The following UBE2R2 variants were observed in gnomAD, a reference collection of about 807,000 sequenced individuals.
UBE2R2 encodes the protein ubiquitin conjugating enzyme E2 R2, also known as ubiquitin-conjugating enzyme E2 R2.
In UBE2R2, 1 loss-of-function variant was observed where a neutral mutation model predicts 27.8. The ratio of observed to expected loss-of-function variants is 0.04; its 90% CI spans 0.01 to 0.17. The LOEUF is 0.17. Among genes scored for constraint, UBE2R2 ranks in the 10% least tolerant of loss-of-function variants. The pLI, the probability that UBE2R2 is intolerant of heterozygous loss-of-function variation, is 1.00. For missense variants in UBE2R2, 100 were observed against 291.0 expected, an observed-to-expected ratio of 0.34 and a Z score of 4.78; for synonymous variants, 106 against 113.3, an observed-to-expected ratio of 0.94 and a Z score of 0.41.
intron 4 of UBE2R2, among the ~76,000 whole-genome samples, chr9:33,914,979 A>T (rs973516754): frequency 6.6e-6 from 1 of 151,990 alleles, no homozygotes; most frequent in African/African-American, 2.4e-5. Context: ...TCTACAAAAA[A>T]ATTAGCCAGG....
At chr9:33,835,107 C>T (rs1587432253) in intron 1 of UBE2R2, among the ~76,000 whole-genome samples, 1 of 146,800 alleles carries the variant, frequency 6.8e-6, no homozygotes. Flanking sequence ...TATGTTTTAG[C>T]TATCTTTTCA....
At chr9:33,871,590 G>C (rs1023156941) in intron 1 of UBE2R2, among the ~76,000 whole-genome samples, 1 of 152,136 alleles carries the variant, frequency 6.6e-6, no homozygotes, top group African/African-American at 2.4e-5. Flanking sequence ...GGAAGTACTT[G>C]TTCTTATGAG....
intron 1 of UBE2R2, among the ~76,000 whole-genome samples, chr9:33,845,877 T>C (rs1372620438): frequency 2.0e-5 from 3 of 151,832 alleles, no homozygotes; most frequent in Non-Finnish European, 4.4e-5. Context: ...GCGCGGTGGC[T>C]CACGCCTGTA....
chr9:33,915,275 G>C (rs1822615262), intron 4 of UBE2R2, among the ~76,000 whole-genome samples: 3 of 152,132 alleles, frequency 2.0e-5, no homozygotes, highest in Admixed American at 2.0e-4. Flanking sequence ...ATTTTAAGAA[G>C]CAATGCTCAT....
At chr9:33,889,360 T>C (rs1412051654) in intron 2 of UBE2R2, among the ~76,000 whole-genome samples, 1 of 152,212 alleles carries the variant, frequency 6.6e-6, no homozygotes, top group Admixed American at 6.5e-5. Flanking sequence ...CAGTTCTCTC[T>C]TGCCTCTTTC....
chr9:33,884,225 T>TCTCTCTCTCTCTCTCTCTCTCTCG (rs753452133), intron 1 of UBE2R2, among the ~76,000 whole-genome samples: 1 of 145,726 alleles, frequency 6.9e-6, no homozygotes, highest in Non-Finnish European at 1.5e-5. Flanking sequence ...TCTCTCTCTC[T>TCTCTCTCTCTCTCTCTCTCTCTCG]CTCTCTCTCT....
chr9:33,831,093 AAAAAG>A (rs1289841220), intron 1 of UBE2R2: 74 of 150,852 alleles, frequency 4.9e-4, no homozygotes, highest in Non-Finnish European at 9.7e-4. Context: ...AAAAAAAAAA[AAAAAG>A]AATAGGTAAA....
intron 4 of UBE2R2, 139 bp from the exon 5 acceptor site, chr9:33,916,879 G>A (rs1339690445): frequency 1.1e-5 from 14 of 1,332,204 alleles, no homozygotes; most frequent in Non-Finnish European, 1.4e-5. Context: ...GTAGTACAGG[G>A]TATCTGTCAG....
At chr9:33,849,692 A>G in intron 1 of UBE2R2, among the ~76,000 whole-genome samples, 1 of 22,398 alleles carries the variant, frequency 4.5e-5, no homozygotes, top group African/African-American at 8.2e-5. Context: ...TCTCTACTTA[A>G]AAAAAAAAAA....
At chr9:33,854,820 G>A (rs929741009) in intron 1 of UBE2R2, among the ~76,000 whole-genome samples, 4 of 151,654 alleles carry the variant, frequency 2.6e-5, no homozygotes, top group African/African-American at 9.7e-5. Flanking sequence ...CCAGGCTCAG[G>A]TGATCCTCCC....
intron 3 of UBE2R2, among the ~76,000 whole-genome samples, chr9:33,905,762 C>T (rs1347591616): frequency 2.6e-5 from 4 of 152,176 alleles, no homozygotes; most frequent in East Asian, 3.8e-4. Flanking sequence ...CACATTGAAA[C>T]ATGCAATGAG....
Position 33,917,701 on chromosome 9 carries a change from T to TA in UBE2R2, c.*464_*465insA, listed in dbSNP as rs1215227255. On this transcript the variant is annotated 3_prime_UTR_variant, in exon 5 of 5. Transcript: ENST00000263228. ...TGGAAAAAAACCCACAAAACAAACT[T>TA]TAAAAAAAAAAAAAAACAAATTTGC... is the stretch of plus-strand genomic sequence containing the variant. The TA allele has an allele frequency of 9.6e-5, 19 of 198,468 alleles. No individual in the cohort carries two copies. The highest frequency in any genetic ancestry group is 2.8e-4 in the African/African-American group (12 of 42,482). The allele number at this position is 198,468 out of a possible 1,614,324, so 12.3% of individuals were successfully genotyped here.
At chr9:33,869,561 T>A (rs951282431) in intron 1 of UBE2R2, among the ~76,000 whole-genome samples, 14 of 151,634 alleles carry the variant, frequency 9.2e-5, no homozygotes, top group African/African-American at 3.1e-4. Flanking sequence ...GTGATTCTCC[T>A]GTTTCAGCCT....
intron 1 of UBE2R2, among the ~76,000 whole-genome samples, chr9:33,858,987 G>A (rs1563990591): frequency 1.3e-5 from 2 of 151,580 alleles, no homozygotes; most frequent in South Asian, 2.1e-4. Context: ...CACCACACCC[G>A]GCTAATTTTT....
At chr9:33,894,252 C>T (rs573760166) in intron 2 of UBE2R2, among the ~76,000 whole-genome samples, 1 of 151,926 alleles carries the variant, frequency 6.6e-6, no homozygotes, top group African/African-American at 2.4e-5. Flanking sequence ...GGCAACATAG[C>T]AAGATCCCCA....
intron 3 of UBE2R2, among the ~76,000 whole-genome samples, chr9:33,911,730 G>C (rs927176286): frequency 1.3e-5 from 2 of 151,700 alleles, no homozygotes; most frequent in Admixed American, 6.6e-5. Context: ...CCAGTTAGCA[G>C]CTTGTTTCTT....
chr9:33,821,357 T>C (rs1825978506), intron 1 of UBE2R2, among the ~76,000 whole-genome samples: 1 of 152,044 alleles, frequency 6.6e-6, no homozygotes, highest in Non-Finnish European at 1.5e-5. Flanking sequence ...AGGGTCTCAC[T>C]ATTTTGTCCA....
intron 1 of UBE2R2, among the ~76,000 whole-genome samples, chr9:33,846,153 A>T (rs922024109): frequency 1.3e-5 from 2 of 150,796 alleles, no homozygotes; most frequent in African/African-American, 4.9e-5. Flanking sequence ...AAAATTAGCC[A>T]GGTGTGGTGG....
At chr9:33,912,173 CTT>C (rs1822507866) in intron 4 of UBE2R2, 75 bp downstream of exon 4, 1 of 1,251,180 alleles carries the variant, frequency 8.0e-7, no homozygotes, top group African/African-American at 1.5e-5. Flanking sequence ...TTAAATCAAA[CTT>C]AAATATCCTG....
Sources: allele counts gnomAD v4.1 joint callset (sites outside exome capture counted in the v4.1 genomes callset), GRCh38; gene constraint gnomAD v4.1.1; transcripts MANE v1.5; gene names NCBI Gene and HGNC (gene_info 2026-07-23, HGNC 2026-07-21).